The following CNTN4 variants were observed in gnomAD, a reference collection of about 807,000 sequenced individuals.
CNTN4 encodes the protein contactin-4.
A neutral mutation model predicts 122.5 loss-of-function variants in CNTN4; 77 were observed. The observed-to-expected ratio is 0.63, with a 90% confidence interval of 0.52 to 0.76. CNTN4 has a LOEUF of 0.76. Among genes scored for constraint, CNTN4 ranks in the 30% least tolerant of loss-of-function variants. The pLI, the probability that CNTN4 is intolerant of heterozygous loss-of-function variation, is 0.00. For missense variants in CNTN4, 1,256 were observed against 1,259.1 expected (o/e 1.00, Z 0.04); for synonymous variants, 512 against 447.0 (o/e 1.15, Z -1.83).
chr3:3,016,017 G>T (rs1356432155), intron 14 of CNTN4, among the ~76,000 whole-genome samples: 1 of 152,120 alleles, frequency 6.6e-6, no homozygotes, highest in Non-Finnish European at 1.5e-5. Flanking sequence ...TCATAAGGGA[G>T]AGTTACTTAT....
chr3:2,460,240 T>C (rs1200990024), intron 3 of CNTN4, among the ~76,000 whole-genome samples: 2 of 152,186 alleles, frequency 1.3e-5, no homozygotes, highest in Non-Finnish European at 2.9e-5. Flanking sequence ...AGCTCAACCC[T>C]AACTTTGGTC....
At chr3:2,466,723 T>C (rs142325610) in intron 3 of CNTN4, among the ~76,000 whole-genome samples, 1,570 of 152,292 alleles carry the variant, frequency 0.01, 13 homozygotes, top group Non-Finnish European at 0.016. Flanking sequence ...TTTTGATATA[T>C]ATTCTATTTC....
In CNTN4 at chr3:2,260,734, T is replaced by TTA. The variant is rs1486820283; in HGVS notation, c.-144-78443_-144-78442insAT. On this transcript the variant is annotated intron_variant, in intron 2 of 24. Coordinates refer to ENST00000418658, the MANE Select transcript of CNTN4 (RefSeq NM_175607.3). ...TTTTCTTTTTATTTTATTTATTTAT[T>TTA]TTTTTTTTGAGACAAGAGTCTCGCT... Among the ~76,000 whole-genome samples the TTA allele has an allele frequency of 6.4e-3, 974 of 151,072 alleles. 8 individuals carry two copies. Among genetic ancestry groups the TTA allele is most frequent in the African/African-American group, 0.014 (570 of 41,306 alleles).
At chr3:2,726,118 G>A (rs1299033195) in intron 4 of CNTN4, among the ~76,000 whole-genome samples, 1 of 152,030 alleles carries the variant, frequency 6.6e-6, no homozygotes, top group Non-Finnish European at 1.5e-5. Flanking sequence ...TTTCTGTTTT[G>A]GCTTCATTCT....
At chr3:2,861,707 T>A (rs1211473286) in intron 7 of CNTN4, among the ~76,000 whole-genome samples, 4 of 151,448 alleles carry the variant, frequency 2.6e-5, no homozygotes, top group Non-Finnish European at 5.9e-5. Context: ...TAAATAAGAG[T>A]GTGTGTGTGT....
chr3:2,115,267 C>T (rs1158883837), intron 2 of CNTN4, among the ~76,000 whole-genome samples: 1 of 152,168 alleles, frequency 6.6e-6, no homozygotes, highest in Non-Finnish European at 1.5e-5. Context: ...TGTCCTGGCC[C>T]CACTGAACAT....
rs768966230 is a variant in CNTN4, at chr3:2,442,956, T to G, written c.-89+103723T>G. Among the ~76,000 whole-genome samples the G allele has an allele frequency of 7.0e-4, 107 of 152,178 alleles. 1 individual carries two copies. The highest frequency in any genetic ancestry group is 1.1e-3 in the Non-Finnish European group (75 of 67,992). ...TTTTTAATAATTTACTTATGAGAAGTAATTTACATAAAATAGTAGCTTATT... is the reference window on the plus strand; with the variant it reads ...TTTTTAATAATTTACTTATGAGAAGGAATTTACATAAAATAGTAGCTTATT... On this transcript the variant is annotated intron_variant, in intron 3 of 24. Coordinates refer to ENST00000418658, the MANE Select transcript of CNTN4 (RefSeq NM_175607.3).
chr3:2,157,254 T>A (rs935274803), intron 2 of CNTN4, among the ~76,000 whole-genome samples: 1 of 152,172 alleles, frequency 6.6e-6, no homozygotes, highest in African/African-American at 2.4e-5. Flanking sequence ...TGGGTTGAGA[T>A]TGATGAGTGA....
chr3:2,840,495 T>C (rs925718496), intron 7 of CNTN4, among the ~76,000 whole-genome samples: 1 of 140,724 alleles, frequency 7.1e-6, no homozygotes, highest in African/African-American at 2.6e-5. Context: ...GGTCAGGAGA[T>C]CGAGACCATC....
chr3:2,393,530 T>G (rs757835259), intron 3 of CNTN4, among the ~76,000 whole-genome samples: 2 of 152,226 alleles, frequency 1.3e-5, no homozygotes, highest in Non-Finnish European at 2.9e-5. Context: ...AGAAATATTA[T>G]GTATCTTTAT....
chr3:2,326,287 T>C (rs1431735334), intron 2 of CNTN4, among the ~76,000 whole-genome samples: 1 of 152,138 alleles, frequency 6.6e-6, no homozygotes, highest in Non-Finnish European at 1.5e-5. Context: ...ACTGAAACAT[T>C]GGCTCATCCT....
chr3:2,296,169 T>G (rs980074277), intron 2 of CNTN4, among the ~76,000 whole-genome samples: 10 of 152,144 alleles, frequency 6.6e-5, no homozygotes, highest in Non-Finnish European at 8.8e-5. Flanking sequence ...GGGCTCTTTT[T>G]TGGTTCCATA....
chr3:2,767,862 C>T (rs1164971295), intron 6 of CNTN4, among the ~76,000 whole-genome samples: 1 of 152,230 alleles, frequency 6.6e-6, no homozygotes, highest in Admixed American at 6.5e-5. Flanking sequence ...TCTTACATAG[C>T]TCACCTTCTC....
chr3:2,261,169 CGTA>C (rs1485720196), intron 2 of CNTN4, among the ~76,000 whole-genome samples: 1 of 151,836 alleles, frequency 6.6e-6, no homozygotes, highest in East Asian at 1.9e-4. Context: ...TTTTTTCCCA[CGTA>C]GTTTATTGCA....
At chr3:3,055,565 T>C (rs1181468524) in intron 24 of CNTN4, among the ~76,000 whole-genome samples, 1 of 152,152 alleles carries the variant, frequency 6.6e-6, no homozygotes, top group Non-Finnish European at 1.5e-5. Context: ...AAAAAAGGAT[T>C]GAGGCTATTT....
At chr3:3,027,126 T>A (rs1459344553) in intron 15 of CNTN4, among the ~76,000 whole-genome samples, 2 of 152,164 alleles carry the variant, frequency 1.3e-5, no homozygotes, top group East Asian at 3.8e-4. Flanking sequence ...AAGTCATCCA[T>A]GTGATATAGT....
chr3:2,360,645 G>A (rs960780455), intron 3 of CNTN4, among the ~76,000 whole-genome samples: 2 of 152,114 alleles, frequency 1.3e-5, no homozygotes, highest in Non-Finnish European at 2.9e-5. Context: ...TAGGCTAAGG[G>A]GAAGCAAGGA....
intron 2 of CNTN4, among the ~76,000 whole-genome samples, chr3:2,112,616 G>A (rs938157996): frequency 6.6e-6 from 1 of 152,088 alleles, no homozygotes; most frequent in African/African-American, 2.4e-5. Flanking sequence ...ACTACCTATT[G>A]TATGGGATTC....
chr3:2,775,358 G>A lies in CNTN4; in HGVS notation c.358+29661G>A, dbSNP rs1295321598. Among the ~76,000 whole-genome samples the A allele has an allele frequency of 9.9e-5, 15 of 152,106 alleles. 1 individual carries two copies. The highest frequency in any genetic ancestry group is 9.8e-4 in the Admixed American group (15 of 15,268). ...CTCCTCTGTACATAGAGTTCCTATGGAAACATACCATGTCTGACCACCCTC... is the reference window on the plus strand; with the variant it reads ...CTCCTCTGTACATAGAGTTCCTATGAAAACATACCATGTCTGACCACCCTC... On this transcript the variant is annotated intron_variant, in intron 6 of 24. Transcript: ENST00000418658.
Sources: gnomAD v4.1 joint callset for allele counts (sites outside exome capture counted in the v4.1 genomes callset) on GRCh38, gnomAD v4.1.1 for gene constraint, MANE v1.5 for transcripts, NCBI Gene and HGNC (gene_info 2026-07-23, HGNC 2026-07-21) for gene names.